The following ARSD variants were observed in gnomAD, a reference collection of about 807,000 sequenced individuals.
ARSD encodes the protein arylsulfatase D, also known as testis tissue sperm-binding protein Li 39a.
A neutral mutation model predicts 32.6 loss-of-function variants in ARSD; 21 were observed. That is an observed-to-expected ratio of 0.64 (90% confidence interval 0.46 to 0.93). The LOEUF is 0.93. Ranked by LOEUF, ARSD falls within the 40% of genes least tolerant of loss-of-function variation. The pLI is 0.00. For synonymous variants in ARSD, 224 were observed against 237.4 expected, an observed-to-expected ratio of 0.94 and a Z score of 0.52; for missense variants, 454 against 520.9, an observed-to-expected ratio of 0.87 and a Z score of 1.25.
chrX:2,909,927 G>A lies in ARSD; in HGVS notation c.1188C>T (p.Phe396=). The change falls in exon 8 of 10, where the codon TTC becomes TTT. Residue 396 remains phenylalanine, a synonymous_variant. Coordinates refer to ENST00000381154, the MANE Select transcript of ARSD (RefSeq NM_001669.4). ...CGGCCGGGAGCACCCCCGGCCAGTG[G>A]AAGATCCCGGGCACGCGGATCCCAC... The part of the protein sequence containing the change: ...WEGGIRVPGI[F]HWPGVLPAGR... 1.7e-6 allele frequency: 2 copies of A among 1,210,852 alleles called. No homozygotes were observed. The highest frequency in any genetic ancestry group is 1.8e-5 in the South Asian group (1 of 56,921).
intron 5 of ARSD, among the ~76,000 whole-genome samples, chrX:2,917,300 T>C (rs1163721771): frequency 6.4e-5 from 7 of 109,826 alleles, no homozygotes; most frequent in African/African-American, 2.3e-4. Flanking sequence ...TCAATGCTAT[T>C]CGAGCCATCA....
At chrX:2,915,924 G>C (rs2088954243) in intron 5 of ARSD, among the ~76,000 whole-genome samples, 1 of 109,733 alleles carries the variant, frequency 9.1e-6, no homozygotes, top group Non-Finnish European at 1.9e-5. Context: ...TTGAGGCCAG[G>C]AGTTCAAGGC....
At chrX:2,914,469 G>C in intron 6 of ARSD, 1 of 774,341 alleles carries the variant, frequency 1.3e-6, no homozygotes, top group Non-Finnish European at 1.6e-6. Flanking sequence ...TGAACTCCTG[G>C]TCTCAAGCCA....
In ARSD at chrX:2,907,192, T is replaced by C; in HGVS notation, c.*79A>G. 1.0e-6 allele frequency: 1 copy of C among 996,074 alleles called. No individual in the cohort carries two copies. The highest frequency in any genetic ancestry group is 1.4e-6 in the Non-Finnish European group (1 of 724,487). 82.1% of individuals were successfully genotyped at this position (996,074 alleles called of 1,213,427 possible). A position where few individuals can be genotyped will look rare whatever the true frequency, so the allele number is the denominator to read the frequency against. On this transcript the variant is annotated 3_prime_UTR_variant, in exon 10 of 10. Coordinates refer to ENST00000381154, the MANE Select transcript of ARSD (RefSeq NM_001669.4). ...GCATGTTCCTTGCAAAAAGGGAAGC[T>C]GAAGATAGAACCAAGCTTGGAGAAT... is the stretch of plus-strand genomic sequence containing the variant.
chrX:2,913,991 C>T, intron 6 of ARSD: 1 of 407,595 alleles, frequency 2.5e-6, no homozygotes, highest in Non-Finnish European at 3.2e-6. Flanking sequence ...CGCCTTCCAC[C>T]ATGAGCAAAA....
At position 2,929,081 on chromosome X, in the gene ARSD, C is replaced by A. The variant is rs191360881; in HGVS notation, c.44+151G>T. ...TCCCGGGCACAGAACGCGCCTCCAG[C>A]TACATTTTGGAGACTACAAGGCGCC... On this transcript the variant is annotated intron_variant, in intron 1 of 9. Coordinates refer to ENST00000381154, the MANE Select transcript of ARSD (RefSeq NM_001669.4). 1.0e-3 allele frequency: 515 copies of A among 501,812 alleles called. 2 individuals carry two copies. In the African/African-American group the frequency reaches 0.011, roughly 11 times the overall value. 41.4% of individuals were successfully genotyped at this position (501,812 alleles called of 1,213,427 possible). A position where few individuals can be genotyped will look rare whatever the true frequency, so the allele number is the denominator to read the frequency against.
chrX:2,917,301 C>G (rs73632964), intron 5 of ARSD, among the ~76,000 whole-genome samples: 1 of 109,592 alleles, frequency 9.1e-6, no homozygotes, highest in Non-Finnish European at 1.9e-5. Context: ...CAATGCTATT[C>G]GAGCCATCAC....
At chrX:2,919,579 G>A (rs968640782) in intron 4 of ARSD, among the ~76,000 whole-genome samples, 4 of 111,676 alleles carry the variant, frequency 3.6e-5, no homozygotes, top group Non-Finnish European at 5.6e-5. Context: ...CCCCGTGGCT[G>A]GTGTTTGAGA....
chrX:2,908,598 C>A, intron 9 of ARSD, 123 bp downstream of exon 9: 1 of 610,099 alleles, frequency 1.6e-6, no homozygotes. Context: ...CTATAGCTAT[C>A]TGTCCATCCA....
intron 8 of ARSD, among the ~76,000 whole-genome samples, chrX:2,909,257 T>TGAG (rs2147306883): frequency 1.8e-5 from 2 of 109,298 alleles, no homozygotes; most frequent in South Asian, 8.2e-4. Context: ...TGGCACAATC[T>TGAG]CAGCTCATTG....
chrX:2,908,579 T>C (rs1265840817), intron 9 of ARSD, 142 bp downstream of exon 9: 2 of 460,068 alleles, frequency 4.3e-6, no homozygotes, highest in African/African-American at 5.6e-5. Flanking sequence ...GGTTTATCTA[T>C]CTCTATTTCT....
At position 2,907,310 on chromosome X, in the gene ARSD, C is replaced by T. The variant is rs150423453; in HGVS notation, c.1743G>A (p.Pro581=). Residue 581 remains proline (P), a synonymous_variant, in exon 10 of 10, where the codon CCG becomes CCA. Transcript: ENST00000381154. ...CCCCATCCTCGTGGCATGAACAGAA[C>T]GGGAAATGTCCGCAGCACGGCTGCA... ...PWLQPCCGHF[P]FCSCHEDGDG... is the part of the protein sequence containing the mutation. The T allele has an allele frequency of 3.4e-5, 41 of 1,210,080 alleles. No individual in the cohort carries two copies. Among genetic ancestry groups the T allele is most frequent in the East Asian group, 2.1e-4 (7 of 33,752 alleles).
chrX:2,929,271 C>A lies in ARSD; in HGVS notation c.5G>T (p.Arg2Leu), dbSNP rs1404398290. Residue 2 changes from arginine to leucine, a missense_variant, in exon 1 of 10, where the codon CGA becomes CTA. Transcript: ENST00000381154. Reference sequence around the variant, plus strand: ...GGCGCGTCCCCTCCGCGCGGCGGATCGCATGGCCGAGCGCTGGCCCAGAGC... The same window carrying A: ...GGCGCGTCCCCTCCGCGCGGCGGATAGCATGGCCGAGCGCTGGCCCAGAGC... M[R>L]SAARRGRAAP... The A allele has an allele frequency of 4.9e-6, 5 of 1,017,895 alleles. No homozygotes were observed. Among genetic ancestry groups the A allele is most frequent in the Non-Finnish European group, 6.2e-6 (5 of 806,723 alleles). The allele number at this position is 1,017,895 out of a possible 1,213,427, so 83.9% of individuals were successfully genotyped here. A position where few individuals can be genotyped will look rare whatever the true frequency, so the allele number is the denominator to read the frequency against.
intron 1 of ARSD, among the ~76,000 whole-genome samples, chrX:2,928,541 G>T: frequency 1.0e-5 from 1 of 97,632 alleles, no homozygotes; most frequent in South Asian, 5.4e-4. Context: ...CGAAGAGGCG[G>T]GGGGCGGGAA....
intron 1 of ARSD, among the ~76,000 whole-genome samples, chrX:2,927,138 G>C (rs977809056): frequency 1.8e-5 from 2 of 111,135 alleles, no homozygotes; most frequent in African/African-American, 3.3e-5. Flanking sequence ...CGAGAGGCAC[G>C]GCAGTGCTGC....
In ARSD at chrX:2,907,072, G is replaced by A. The variant is rs773012278; in HGVS notation, c.*199C>T. On this transcript the variant is annotated 3_prime_UTR_variant, in exon 10 of 10. Transcript: ENST00000381154. ...GCGGAGGTTGCAGTGAGCAGAGATCGTGCCATTGCATTCCAGCCTGAGGGA... is the reference window on the plus strand; with the variant it reads ...GCGGAGGTTGCAGTGAGCAGAGATCATGCCATTGCATTCCAGCCTGAGGGA... 8 of 408,423 alleles carry A rather than the reference G, an allele frequency of 2.0e-5. No homozygotes were observed. The highest frequency in any genetic ancestry group is 4.5e-5 in the South Asian group (1 of 22,015). The allele number at this position is 408,423 out of a possible 1,213,427, so 33.7% of individuals were successfully genotyped here.
intron 6 of ARSD, chrX:2,914,190 A>C: frequency 9.2e-6 from 7 of 758,169 alleles, no homozygotes; most frequent in Non-Finnish European, 1.1e-5. Context: ...GGACCAAATA[A>C]ATGATATGAG....
Position 2,904,187 on chromosome X carries a change from C to T in ARSD, c.*3084G>A, listed in dbSNP as rs1366752035. 9.0e-6 allele frequency: 1 copy of T among 111,478 alleles called. No homozygotes were observed. The highest frequency in any genetic ancestry group is 3.3e-5 in the African/African-American group (1 of 30,627). 9.2% of individuals were successfully genotyped at this position (111,478 alleles called of 1,213,427 possible). On this transcript the variant is annotated 3_prime_UTR_variant, in exon 10 of 10. Transcript: ENST00000381154. ...TCAGATCAATGAATGGGCAAAGAAA[C>T]ACCTCATGGCTCTGGGAAGGCATGC...
At chrX:2,910,959 T>C (rs1259682778) in intron 6 of ARSD, among the ~76,000 whole-genome samples, 166 bp from the exon 7 acceptor site, 1 of 112,359 alleles carries the variant, frequency 8.9e-6, no homozygotes, top group Non-Finnish European at 1.9e-5. Flanking sequence ...GTGTAAGACA[T>C]AGCTAATCAC....
Sources: gnomAD v4.1 joint callset for allele counts (sites outside exome capture counted in the v4.1 genomes callset) on GRCh38, gnomAD v4.1.1 for gene constraint, MANE v1.5 for transcripts, NCBI Gene and HGNC (gene_info 2026-07-23, HGNC 2026-07-21) for gene names.